Variants in COL21A1 observed in about 807,000 individuals in gnomAD.
The protein encoded by COL21A1 is collagen type XXI alpha 1 chain.
Under a neutral mutation model 137.9 loss-of-function variants are expected in COL21A1, and 149 were observed. That is an observed-to-expected ratio of 1.08 (90% CI 0.95 to 1.24). COL21A1 has a LOEUF of 1.24. Among genes scored for constraint, COL21A1 ranks in the 50% most tolerant of loss-of-function variants. The pLI is 0.00. For synonymous variants in COL21A1, 456 were observed against 391.5 expected (o/e 1.16, Z -1.95); for missense variants, 1,167 against 1,158.4 (o/e 1.01, Z -0.11).
intron 1 of COL21A1, among the ~76,000 whole-genome samples, chr6:56,289,986 G>A (rs1483338083): frequency 5.3e-5 from 8 of 151,986 alleles, no homozygotes; most frequent in Admixed American, 3.9e-4. Context: ...CCAGCCCACC[G>A]CCACTGAATA....
intron 1 of COL21A1, among the ~76,000 whole-genome samples, chr6:56,328,162 A>G (rs1356147940): frequency 1.3e-5 from 2 of 152,110 alleles, no homozygotes; most frequent in African/African-American, 4.8e-5. Flanking sequence ...ATTAATAGTT[A>G]TATAAACCAA....
intron 3 of COL21A1, among the ~76,000 whole-genome samples, chr6:56,177,652 G>A (rs867537910): frequency 1.3e-5 from 2 of 151,724 alleles, no homozygotes; most frequent in East Asian, 1.9e-4. Context: ...AAAATTAGCC[G>A]GGCGTGGTGG....
intron 12 of COL21A1, among the ~76,000 whole-genome samples, chr6:56,129,636 C>CGT (rs151324707): frequency 0.067 from 9,987 of 148,240 alleles, 387 homozygotes; most frequent in Admixed American, 0.11. Flanking sequence ...CTGTCACGTG[C>CGT]GTGCGTGTGT....
chr6:56,158,431 C>A (rs201066824), intron 9 of COL21A1, among the ~76,000 whole-genome samples: 1 of 151,502 alleles, frequency 6.6e-6, no homozygotes, highest in Non-Finnish European at 1.5e-5. Context: ...AGCCATCATG[C>A]CCAGCTAATT....
chr6:56,326,665 C>T (rs942537018), intron 1 of COL21A1, among the ~76,000 whole-genome samples: 1 of 151,952 alleles, frequency 6.6e-6, no homozygotes, highest in Non-Finnish European at 1.5e-5. Context: ...TTAGTTGAAA[C>T]AACTTTTGGA....
At chr6:56,081,974 A>G (rs543246073) in intron 17 of COL21A1, among the ~76,000 whole-genome samples, 2 of 152,080 alleles carry the variant, frequency 1.3e-5, no homozygotes, top group South Asian at 4.1e-4. Context: ...AGGAAAAGCC[A>G]TTTGGAGGCC....
intron 1 of COL21A1, among the ~76,000 whole-genome samples, chr6:56,360,030 A>G (rs1408707675): frequency 2.6e-5 from 4 of 152,226 alleles, no homozygotes. Flanking sequence ...CTATTGACCT[A>G]AAAAGAATGA....
At chr6:56,118,297 T>C (rs1772126169) in intron 16 of COL21A1, among the ~76,000 whole-genome samples, 1 of 151,860 alleles carries the variant, frequency 6.6e-6, no homozygotes, top group Non-Finnish European at 1.5e-5. Flanking sequence ...GTGGCTACTA[T>C]GAGCAACTAT....
intron 1 of COL21A1, among the ~76,000 whole-genome samples, chr6:56,275,600 G>A (rs552127404): frequency 6.6e-6 from 1 of 152,002 alleles, no homozygotes; most frequent in South Asian, 2.1e-4. Context: ...AAGCAGCCAA[G>A]AACCATATGA....
Position 56,171,059 on chromosome 6 carries a change from A to G in COL21A1, c.710T>C (p.Leu237Ser). The G allele has an allele frequency of 6.2e-7, 1 of 1,610,316 alleles. No homozygotes were observed. The highest frequency in any genetic ancestry group is 8.5e-7 in the Non-Finnish European group (1 of 1,178,110). Reference protein sequence around the residue: ...DERGFDILLGLDVNKKVKKRI... With the variant: ...DERGFDILLGSDVNKKVKKRI... ...TTTCTTAACCTTTTTATTTACATCT[A>G]AACCTAAAAGAATATCAAATCCCCT... Residue 237 changes from leucine to serine, a missense_variant, in exon 4 of 30, where the codon TTA becomes TCA. Transcript: ENST00000244728.
At chr6:56,205,788 G>T (rs1470055135) in intron 1 of COL21A1, among the ~76,000 whole-genome samples, 1 of 152,172 alleles carries the variant, frequency 6.6e-6, no homozygotes, top group Non-Finnish European at 1.5e-5. Flanking sequence ...AGATCTCTTG[G>T]CAGAAACCCT....
chr6:56,082,840 A>G (rs888065632), intron 17 of COL21A1, among the ~76,000 whole-genome samples: 4 of 151,800 alleles, frequency 2.6e-5, no homozygotes, highest in Admixed American at 2.0e-4. Flanking sequence ...ATCTAATCTA[A>G]TATCTTCTAT....
At position 56,057,367 on chromosome 6, in the gene COL21A1, G is replaced by A. The variant is rs1005745621; in HGVS notation, c.*290C>T. 5.5e-6 allele frequency: 2 copies of A among 360,646 alleles called. No homozygotes were observed. The highest frequency in any genetic ancestry group is 9.5e-5 in the Admixed American group (2 of 21,112). 22.3% of individuals were successfully genotyped at this position (360,646 alleles called of 1,614,324 possible). On this transcript the variant is annotated 3_prime_UTR_variant, in exon 30 of 30. Coordinates refer to ENST00000244728, the MANE Select transcript of COL21A1 (RefSeq NM_030820.4). ...TATTTCACAGTGACTAAAACTGACT[G>A]GCTAACAGGCAATGGTGGATTTTTA...
At chr6:56,221,555 T>G (rs1229829275) in intron 1 of COL21A1, among the ~76,000 whole-genome samples, 1 of 151,954 alleles carries the variant, frequency 6.6e-6, no homozygotes, top group Non-Finnish European at 1.5e-5. Context: ...AGACCCTGCC[T>G]CTATAAAAAA....
Position 56,307,279 on chromosome 6 carries a change from G to A in COL21A1, c.-39+86692C>T, listed in dbSNP as rs546960064. ...AGACAGGGACATTTAAGTCTGCAGA[G>A]GATTCTGCTGCCTTTTGTTTGGCAA... is the stretch of plus-strand genomic sequence containing the variant. On this transcript the variant is annotated intron_variant, in intron 1 of 28. Transcript: ENST00000370819. Among the ~76,000 whole-genome samples the A allele has an allele frequency of 2.2e-3, 338 of 152,314 alleles. 2 individuals are homozygous for A. Among genetic ancestry groups the A allele is most frequent in the African/African-American group, 7.7e-3 (321 of 41,588 alleles).
In COL21A1 at chr6:56,083,513, A is replaced by G. The variant is rs951888052; in HGVS notation, c.1813-5940T>C. Among the ~76,000 whole-genome samples the G allele has an allele frequency of 7.2e-5, 11 of 151,936 alleles. 1 individual carries two copies. Among genetic ancestry groups the G allele is most frequent in the African/African-American group, 2.4e-4 (10 of 41,416 alleles). On this transcript the variant is annotated intron_variant, in intron 17 of 29. Coordinates refer to ENST00000244728, the MANE Select transcript of COL21A1 (RefSeq NM_030820.4). ...TCTCAAGGACATTAACCTTAATCAC[A>G]TCTACAAAATCTCTTTGCTGTGGAA...
At chr6:56,203,452 T>C (rs1372126847) in intron 1 of COL21A1, among the ~76,000 whole-genome samples, 2 of 152,152 alleles carry the variant, frequency 1.3e-5, no homozygotes, top group Non-Finnish European at 2.9e-5. Flanking sequence ...AGCACCTCAA[T>C]TGCAGTTTCT....
At chr6:56,135,276 A>C in intron 12 of COL21A1, among the ~76,000 whole-genome samples, 1 of 152,120 alleles carries the variant, frequency 6.6e-6, no homozygotes, top group East Asian at 1.9e-4. Context: ...TCAATCTTTA[A>C]AAGGATCACA....
At chr6:56,220,461 G>T (rs1328790073) in intron 1 of COL21A1, among the ~76,000 whole-genome samples, 2 of 152,132 alleles carry the variant, frequency 1.3e-5, no homozygotes, top group Non-Finnish European at 2.9e-5. Context: ...TGCTTATTTG[G>T]TGTCATTCTC....
Sources: allele counts gnomAD v4.1 joint callset (sites outside exome capture counted in the v4.1 genomes callset), GRCh38; gene constraint gnomAD v4.1.1; transcripts MANE v1.5; gene names NCBI Gene and HGNC (gene_info 2026-07-23, HGNC 2026-07-21).